The following PDE6D variants were observed in gnomAD, a reference collection of about 807,000 sequenced individuals.
The protein encoded by PDE6D is phosphodiesterase 6D.
In PDE6D, 10 loss-of-function variants were observed where a neutral mutation model predicts 21.9. That is an observed-to-expected ratio of 0.46 (90% CI 0.28 to 0.78). The LOEUF (loss-of-function observed/expected upper bound fraction) is 0.78, where lower values mean the gene tolerates loss of function less well. PDE6D is among the 30% of genes least tolerant of loss of function. The pLI is 0.12. For missense variants in PDE6D, 139 were observed against 184.8 expected (o/e 0.75, Z 1.44); for synonymous variants, 59 against 63.5 (o/e 0.93, Z 0.34).
At chr2:231,738,831 GCTGGAAC>G (rs2106261676) in intron 2 of PDE6D, among the ~76,000 whole-genome samples, 1 of 148,954 alleles carries the variant, frequency 6.7e-6, no homozygotes, top group South Asian at 2.1e-4. Context: ...CATGAAAATC[GCTGGAAC>G]CTGGGAAGCA....
At position 231,781,056 on chromosome 2, in the gene PDE6D, G is replaced by A; in HGVS notation, c.50+9C>T. On this transcript the variant is annotated intron_variant, in intron 1 of 4. Transcript: ENST00000287600. Reference sequence around the variant, plus strand: ...TCCTCCCGGCCCCGCCCCGCTCCCGGACGGATACAGTTTGAAGCCCCTCAG... The same window carrying A: ...TCCTCCCGGCCCCGCCCCGCTCCCGAACGGATACAGTTTGAAGCCCCTCAG... 2 of 1,612,106 alleles carry A rather than the reference G, an allele frequency of 1.2e-6. No individual in the cohort carries two copies. The highest frequency in any genetic ancestry group is 1.7e-6 in the Non-Finnish European group (2 of 1,178,730).
chr2:231,768,175 A>G (rs958294170), intron 1 of PDE6D, among the ~76,000 whole-genome samples: 1 of 152,032 alleles, frequency 6.6e-6, no homozygotes, highest in African/African-American at 2.4e-5. Context: ...GATCACAATG[A>G]CCTATAAGGT....
intron 1 of PDE6D, chr2:231,779,098 A>G (rs2049080578): frequency 6.6e-6 from 1 of 152,188 alleles, no homozygotes; most frequent in Non-Finnish European, 1.5e-5. Flanking sequence ...CTCTTACTCC[A>G]CAAATGCCCA....
chr2:231,777,686 A>C (rs894345421), intron 1 of PDE6D, among the ~76,000 whole-genome samples: 1 of 147,998 alleles, frequency 6.8e-6, no homozygotes, highest in African/African-American at 2.6e-5. Context: ...GAAATAATCC[A>C]AAAAAAAACC....
chr2:231,735,577 T>C (rs902287920), intron 4 of PDE6D, among the ~76,000 whole-genome samples: 2 of 150,158 alleles, frequency 1.3e-5, no homozygotes, highest in Non-Finnish European at 3.0e-5. Context: ...GGATTACAGG[T>C]GTGAGCCACT....
chr2:231,770,739 G>A (rs2049008488), intron 1 of PDE6D, among the ~76,000 whole-genome samples: 2 of 152,104 alleles, frequency 1.3e-5, no homozygotes, highest in Admixed American at 1.3e-4. Flanking sequence ...GATCACCTGA[G>A]GTCAGGAGTT....
At chr2:231,737,636 C>A in intron 3 of PDE6D, 1 of 303,432 alleles carries the variant, frequency 3.3e-6, no homozygotes, top group East Asian at 6.5e-5. Flanking sequence ...CTTATGTGCC[C>A]TTTACACTGC....
chr2:231,758,015 G>C (rs868304258), intron 1 of PDE6D, among the ~76,000 whole-genome samples: 8 of 151,914 alleles, frequency 5.3e-5, no homozygotes, highest in African/African-American at 1.9e-4. Flanking sequence ...ACAGATTACT[G>C]GGTTTAATAT....
At chr2:231,769,664 A>G (rs757340311) in intron 1 of PDE6D, among the ~76,000 whole-genome samples, 44 of 152,130 alleles carry the variant, frequency 2.9e-4, no homozygotes, top group Non-Finnish European at 5.7e-4. Flanking sequence ...CCCAGGCTGG[A>G]ATGAAGAGGC....
At chr2:231,750,916 T>C (rs561943509) in intron 1 of PDE6D, among the ~76,000 whole-genome samples, 2 of 152,256 alleles carry the variant, frequency 1.3e-5, no homozygotes, top group Admixed American at 1.3e-4. Context: ...GGGTTCCTTC[T>C]AGTTAGAACC....
intron 1 of PDE6D, among the ~76,000 whole-genome samples, chr2:231,778,165 C>T (rs1490922840): frequency 6.6e-6 from 1 of 152,142 alleles, no homozygotes; most frequent in African/African-American, 2.4e-5. Flanking sequence ...ACTCAGGAGG[C>T]TGAGGCAGGA....
At chr2:231,750,875 TTGTATATG>T (rs2048834454) in intron 1 of PDE6D, among the ~76,000 whole-genome samples, 1 of 152,100 alleles carries the variant, frequency 6.6e-6, no homozygotes, top group Admixed American at 6.6e-5. Flanking sequence ...CAGGGTTACC[TTGTATATG>T]GACATTATTC....
rs192388282 is a variant in PDE6D at position 231,736,064 on chromosome 2, C to T, written c.371+1123G>A. Reference sequence around the variant, plus strand: ...AAAAAACTTAAAAAGTAGAGACAGGCATGGTGGCACATGCCTGTAGTCTCA... The same window carrying T: ...AAAAAACTTAAAAAGTAGAGACAGGTATGGTGGCACATGCCTGTAGTCTCA... On this transcript the variant is annotated intron_variant, in intron 4 of 4. Coordinates refer to ENST00000287600, the MANE Select transcript of PDE6D (RefSeq NM_002601.4). Among the ~76,000 whole-genome samples the T allele has an allele frequency of 1.2e-3, 177 of 151,480 alleles. 1 individual carries two copies. Among genetic ancestry groups the T allele is most frequent in the Middle Eastern group, 6.9e-3 (2 of 290 alleles).
In PDE6D at chr2:231,732,878, TG is replaced by T; in HGVS notation, c.*73del. ...GTGTATGTGTCAAAAATCAAACGTG[TG>T]GAGGAAAAAAGTAAACAGTTTCCTC... On this transcript the variant is annotated 3_prime_UTR_variant, in exon 5 of 5. Coordinates refer to ENST00000287600, the MANE Select transcript of PDE6D (RefSeq NM_002601.4). 3 of 967,888 alleles carry T rather than the reference TG, an allele frequency of 3.1e-6. No individual in the cohort carries two copies. Among genetic ancestry groups the T allele is most frequent in the Non-Finnish European group, 5.0e-6 (3 of 603,566 alleles). The allele number at this position is 967,888 out of a possible 1,614,324, so 60.0% of individuals were successfully genotyped here. A position where few individuals can be genotyped will look rare whatever the true frequency, so the allele number is the denominator to read the frequency against.
chr2:231,758,158 G>A (rs547791523), intron 1 of PDE6D, among the ~76,000 whole-genome samples: 3 of 152,018 alleles, frequency 2.0e-5, no homozygotes, highest in South Asian at 2.1e-4. Flanking sequence ...TGTCTAAAAC[G>A]GCATCTTAGA....
intron 1 of PDE6D, among the ~76,000 whole-genome samples, chr2:231,777,523 A>G (rs574995267): frequency 6.6e-6 from 1 of 152,140 alleles, no homozygotes; most frequent in African/African-American, 2.4e-5. Context: ...CCATGTGAAC[A>G]AAAGGGGCAC....
chr2:231,767,021 T>TAAAAAA (rs2048976588), intron 1 of PDE6D, among the ~76,000 whole-genome samples: 4 of 138,438 alleles, frequency 2.9e-5, no homozygotes, highest in Non-Finnish European at 6.1e-5. Flanking sequence ...AAAAAAAAGC[T>TAAAAAA]AAGTCAAAGA....
intron 1 of PDE6D, among the ~76,000 whole-genome samples, chr2:231,756,601 C>CTTTT (rs78576087): frequency 8.6e-6 from 1 of 116,426 alleles, no homozygotes; most frequent in African/African-American, 3.2e-5. Context: ...CTAAACCTGG[C>CTTTT]TTTTTTTTTT....
At chr2:231,744,589 A>G (rs1011328742) in intron 1 of PDE6D, among the ~76,000 whole-genome samples, 3 of 152,088 alleles carry the variant, frequency 2.0e-5, no homozygotes, top group African/African-American at 7.2e-5. Flanking sequence ...ATGCGCCACC[A>G]TGCCCGGCTA....
Sources: gnomAD v4.1 joint callset for allele counts (sites outside exome capture counted in the v4.1 genomes callset) on GRCh38, gnomAD v4.1.1 for gene constraint, MANE v1.5 for transcripts, NCBI Gene and HGNC (gene_info 2026-07-23, HGNC 2026-07-21) for gene names.